RGL1: variants seen among roughly 807,000 people sequenced by gnomAD.
RGL1 encodes the protein ral guanine nucleotide dissociation stimulator-like 1.
A neutral mutation model predicts 95.2 loss-of-function variants in RGL1; 24 were observed. The observed-to-expected ratio is 0.25, with a 90% CI of 0.18 to 0.35. The LOEUF (loss-of-function observed/expected upper bound fraction) is 0.35, where lower values mean the gene tolerates loss of function less well. RGL1 is among the 10% of genes least tolerant of loss of function. The probability of loss-of-function intolerance (pLI) is 1.00; values close to 1 mark genes in which losing one functional copy is unlikely to be tolerated. For missense variants in RGL1, 715 were observed against 936.3 expected (o/e 0.76, Z 3.08); for synonymous variants, 329 against 344.9 (o/e 0.95, Z 0.51).
intron 3 of RGL1, among the ~76,000 whole-genome samples, chr1:183,857,347 G>A (rs1665220072): frequency 6.6e-6 from 1 of 152,174 alleles, no homozygotes; most frequent in Non-Finnish European, 1.5e-5. Flanking sequence ...AACCCATTGA[G>A]ACCCTTGTTG....
At chr1:183,902,377 C>T (rs1423258100) in intron 11 of RGL1, among the ~76,000 whole-genome samples, 191 bp from the exon 12 acceptor site, 1 of 152,164 alleles carries the variant, frequency 6.6e-6, no homozygotes, top group Non-Finnish European at 1.5e-5. Flanking sequence ...TTCTGCTTAT[C>T]CTGCCTTATA....
At position 183,777,353 on chromosome 1, in the gene RGL1, A is replaced by T. The variant is rs184554935; in HGVS notation, c.133-29022A>T. Among the ~76,000 whole-genome samples, 828 of 152,268 alleles carry T rather than the reference A, an allele frequency of 5.4e-3. 5 individuals are homozygous for T. Among genetic ancestry groups the T allele is most frequent in the African/African-American group, 0.019 (780 of 41,554 alleles). ...AATAAATAATTTTACAATCTGGAAG[A>T]TTTTTCTTTTAACAAAACCAATGGC... On this transcript the variant is annotated intron_variant, in intron 2 of 18. Coordinates refer to the RGL1 transcript ENST00000304685.
At chr1:183,923,073 G>A (rs1271591944) in intron 17 of RGL1, among the ~76,000 whole-genome samples, 3 of 152,206 alleles carry the variant, frequency 2.0e-5, no homozygotes, top group African/African-American at 7.2e-5. Flanking sequence ...GACAGTGACT[G>A]TCAGGATAGG....
upstream of RGL1, among the ~76,000 whole-genome samples, chr1:183,800,188 T>A (rs1386649165): frequency 6.6e-6 from 1 of 152,234 alleles, no homozygotes; most frequent in African/African-American, 2.4e-5. Flanking sequence ...TTATATTTTT[T>A]AATTCTTCTT....
At chr1:183,681,208 T>C (rs1027989656) in intron 1 of RGL1, among the ~76,000 whole-genome samples, 2 of 152,218 alleles carry the variant, frequency 1.3e-5, no homozygotes, top group African/African-American at 2.4e-5. Context: ...CTTCCAACAC[T>C]ATGTTGAACA....
rs1202122273 is a variant in RGL1 at position 183,703,246 on chromosome 1, G to C, written c.-32-38880G>C. ...AATAACTACTTCAAGCGTGACATAG[G>C]GGGTGGTGTGGCCACCTTGGAAACA... On this transcript the variant is annotated intron_variant, in intron 1 of 18. Coordinates refer to the RGL1 transcript ENST00000304685. Among the ~76,000 whole-genome samples, 3 of 152,208 alleles carry C rather than the reference G, an allele frequency of 2.0e-5. No individual in the cohort carries two copies. In the South Asian group the frequency reaches 6.2e-4, roughly 32 times the overall value.
intron 2 of RGL1, among the ~76,000 whole-genome samples, chr1:183,799,998 T>C (rs1660902048): frequency 6.6e-6 from 1 of 152,158 alleles, no homozygotes; most frequent in Admixed American, 6.5e-5. Flanking sequence ...GTAATCCTCA[T>C]GATAAGCATG....
intron 1 of RGL1, among the ~76,000 whole-genome samples, chr1:183,738,109 C>T (rs1379937644): frequency 6.6e-6 from 1 of 152,086 alleles, no homozygotes; most frequent in Non-Finnish European, 1.5e-5. Context: ...TCTTGTAAGC[C>T]TTGACTATGT....
chr1:183,852,430 AC>A (rs1380569183), intron 3 of RGL1, among the ~76,000 whole-genome samples: 1 of 152,056 alleles, frequency 6.6e-6, no homozygotes, highest in Non-Finnish European at 1.5e-5. Context: ...CCTACTTTTA[AC>A]CCAAGAGAAA....
chr1:183,913,911 C>T (rs1036705399), intron 15 of RGL1, among the ~76,000 whole-genome samples: 3 of 152,198 alleles, frequency 2.0e-5, no homozygotes, highest in Non-Finnish European at 2.9e-5. Flanking sequence ...CATTCATGCT[C>T]TAAATATTGA....
At chr1:183,842,422 G>A (rs1572489010) in intron 2 of RGL1, among the ~76,000 whole-genome samples, 1 of 151,884 alleles carries the variant, frequency 6.6e-6, no homozygotes, top group African/African-American at 2.4e-5. Context: ...GACTGGAAAC[G>A]GAATTGAAAT....
At chr1:183,921,343 A>G (rs967794794) in intron 16 of RGL1, among the ~76,000 whole-genome samples, 2 of 152,222 alleles carry the variant, frequency 1.3e-5, no homozygotes, top group African/African-American at 2.4e-5. Flanking sequence ...ACTACCCCAA[A>G]TCTAGATAAA....
chr1:183,765,663 A>G (rs778955573), intron 2 of RGL1, among the ~76,000 whole-genome samples: 20 of 152,292 alleles, frequency 1.3e-4, no homozygotes, highest in Admixed American at 2.6e-4. Flanking sequence ...CAATGGCACA[A>G]TCTCCAAAGT....
At chr1:183,828,167 C>A (rs564201989) in intron 2 of RGL1, among the ~76,000 whole-genome samples, 2 of 152,188 alleles carry the variant, frequency 1.3e-5, no homozygotes. Flanking sequence ...GACCATTACA[C>A]CTCTTTGACA....
chr1:183,653,849 G>A (rs1278396364), intron 1 of RGL1, among the ~76,000 whole-genome samples: 1 of 152,146 alleles, frequency 6.6e-6, no homozygotes, highest in African/African-American at 2.4e-5. Flanking sequence ...TAACGGAAGA[G>A]CCACTTGTCC....
At chr1:183,713,141 T>C (rs1229756729) in intron 1 of RGL1, among the ~76,000 whole-genome samples, 2 of 152,136 alleles carry the variant, frequency 1.3e-5, no homozygotes, top group Non-Finnish European at 2.9e-5. Context: ...TTCTCCTGCC[T>C]CAGCCTCCCG....
At chr1:183,761,801 A>G (rs983741423) in intron 2 of RGL1, among the ~76,000 whole-genome samples, 8 of 152,198 alleles carry the variant, frequency 5.3e-5, no homozygotes, top group Non-Finnish European at 1.2e-4. Flanking sequence ...ACCTTCATCA[A>G]TGATCTTAAC....
intron 1 of RGL1, among the ~76,000 whole-genome samples, chr1:183,805,990 T>TTTTTTTTTTTTTTTTTTTTTTTTA (rs1661297019): frequency 1.2e-5 from 1 of 84,034 alleles, no homozygotes; most frequent in Non-Finnish European, 2.5e-5. Flanking sequence ...TTTTTTTTTT[T>TTTTTTTTTTTTTTTTTTTTTTTTA]TTTTTTTTTT....
intron 1 of RGL1, among the ~76,000 whole-genome samples, chr1:183,734,446 C>G (rs1262493448): frequency 6.6e-6 from 1 of 152,056 alleles, no homozygotes; most frequent in Non-Finnish European, 1.5e-5. Flanking sequence ...ACATGCTAGC[C>G]CAGTATCTGG....
Sources: gnomAD v4.1 joint callset for allele counts (sites outside exome capture counted in the v4.1 genomes callset) on GRCh38, gnomAD v4.1.1 for gene constraint, MANE v1.5 for transcripts, NCBI Gene and HGNC (gene_info 2026-07-23, HGNC 2026-07-21) for gene names.